The following NAV3 variants were observed in gnomAD, a reference collection of about 807,000 sequenced individuals.
NAV3 encodes the protein pore membrane and/or filament interacting like protein 1.
In NAV3, 87 loss-of-function variants were observed where a neutral mutation model predicts 244.7. The ratio of observed to expected loss-of-function variants is 0.36; its 90% CI spans 0.30 to 0.42. NAV3 has a LOEUF of 0.42. Ranked by LOEUF, NAV3 falls within the 20% of genes least tolerant of loss-of-function variation. NAV3 has a pLI of 1.00. For missense variants in NAV3, 2,663 were observed against 2,893.3 expected, an observed-to-expected ratio of 0.92 and a Z score of 1.83; for synonymous variants, 1,126 against 1,042.2, an observed-to-expected ratio of 1.08 and a Z score of -1.55.
At position 78,007,354 on chromosome 12, in the gene NAV3, G is replaced by C. The variant is rs1874414586; in HGVS notation, c.1816G>C (p.Gly606Arg). Residue 606 changes from glycine to arginine, a missense_variant, in exon 8 of 40, where the codon GGG (glycine) becomes CGG (arginine). By Grantham distance (125) the Gly-to-Arg change is moderately radical. Coordinates refer to ENST00000397909, the MANE Select transcript of NAV3 (RefSeq NM_001024383.2). ...TACCATGACAGTGGCACAAAGCAGTGGGCAGAGCACAGGAAATGGTGCTGT... is the reference window on the plus strand; with the variant it reads ...TACCATGACAGTGGCACAAAGCAGTCGGCAGAGCACAGGAAATGGTGCTGT... ...SCTMTVAQSS[G>R]QSTGNGAVQL... is the part of the protein sequence containing the mutation. The C allele has an allele frequency of 6.2e-7, 1 of 1,614,158 alleles. No individual in the cohort carries two copies. Among genetic ancestry groups the C allele is most frequent in the Non-Finnish European group, 8.5e-7 (1 of 1,180,030 alleles).
In NAV3 at chr12:77,635,227, C is replaced by CA. The variant is rs147153486; in HGVS notation, c.72+62973dup. 4.6e-3 allele frequency among the ~76,000 whole-genome samples: 648 copies of CA among 142,326 alleles called. 3 individuals are homozygous for CA. The highest frequency in any genetic ancestry group is 0.012 in the African/African-American group (464 of 39,404). The allele number at this position is 142,326 out of a possible 152,430, so 93.4% of individuals were successfully genotyped here. On this transcript the variant is annotated intron_variant, in intron 2 of 8. Transcript: ENST00000550042. ...TTGGTGACAGAGCAAGATTCTGTCTCAAAAAAAAAAAAGAGAGAAATGTGG... is the reference window on the plus strand; with the variant it reads ...TTGGTGACAGAGCAAGATTCTGTCTCAAAAAAAAAAAAAGAGAGAAATGTGG...
At chr12:77,964,912 CATAA>C (rs1432407095) in intron 3 of NAV3, among the ~76,000 whole-genome samples, 3 of 152,016 alleles carry the variant, frequency 2.0e-5, no homozygotes, top group Non-Finnish European at 4.4e-5. Context: ...TTTAAAGGAA[CATAA>C]ATAGTTTCTC....
chr12:77,631,785 G>T (rs1392455597), intron 2 of NAV3, among the ~76,000 whole-genome samples: 1 of 152,186 alleles, frequency 6.6e-6, no homozygotes, highest in East Asian at 1.9e-4. Context: ...CTTCATAGAA[G>T]GGAGAGACAC....
intron 1 of NAV3, among the ~76,000 whole-genome samples, chr12:77,832,381 G>T (rs1326301660): frequency 2.0e-5 from 3 of 152,076 alleles, no homozygotes; most frequent in Non-Finnish European, 2.9e-5. Flanking sequence ...CTCCAGTCAC[G>T]CATGCTAGAA....
intron 2 of NAV3, among the ~76,000 whole-genome samples, chr12:77,610,125 A>C (rs1870847467): frequency 6.6e-6 from 1 of 152,032 alleles, no homozygotes; most frequent in Admixed American, 6.6e-5. Context: ...TCATTGTTTA[A>C]AATTTTAGAA....
intron 1 of NAV3, among the ~76,000 whole-genome samples, chr12:77,910,123 T>G (rs570774006): frequency 5.9e-5 from 9 of 152,218 alleles, no homozygotes; most frequent in African/African-American, 2.2e-4. Context: ...TCATTTTACA[T>G]TGTTATGAAG....
At chr12:77,812,670 G>A (rs576734416) in intron 2 of NAV3, among the ~76,000 whole-genome samples, 84 of 151,970 alleles carry the variant, frequency 5.5e-4, no homozygotes, top group Non-Finnish European at 1.1e-3. Context: ...CACCTAGGGC[G>A]CTCCCGCCTG....
At chr12:78,091,840 T>C (rs1953960130) in intron 12 of NAV3, 1 of 151,756 alleles carries the variant, frequency 6.6e-6, no homozygotes, top group African/African-American at 2.4e-5. Flanking sequence ...CTACATTTCT[T>C]GTGCAATTTC....
At chr12:77,987,986 C>T (rs11107698) in intron 5 of NAV3, among the ~76,000 whole-genome samples, 2,774 of 152,092 alleles carry the variant, frequency 0.018, 46 homozygotes, top group Non-Finnish European at 0.03. Context: ...GTGTCAGGAA[C>T]GCTAAAATGA....
At chr12:78,100,149 A>T (rs1443793603) in intron 12 of NAV3, among the ~76,000 whole-genome samples, 1 of 151,998 alleles carries the variant, frequency 6.6e-6, no homozygotes, top group Non-Finnish European at 1.5e-5. Flanking sequence ...TTAAGTGCAT[A>T]CTAAAAACAA....
intron 8 of NAV3, 44 bp from the exon 9 acceptor site, chr12:78,021,703 T>G (rs56889276): frequency 7.6e-7 from 1 of 1,315,982 alleles, no homozygotes. Context: ...GAGTGACTAG[T>G]GACTATAACT....
At chr12:77,822,373 T>G (rs1403196903) in intron 2 of NAV3, among the ~76,000 whole-genome samples, 1 of 152,234 alleles carries the variant, frequency 6.6e-6, no homozygotes, top group Non-Finnish European at 1.5e-5. Flanking sequence ...ACCTTTCTTT[T>G]GACTGATTCA....
chr12:77,575,954 A>T (rs17043917), intron 2 of NAV3, among the ~76,000 whole-genome samples: 35,997 of 152,026 alleles, frequency 0.24, 4,716 homozygotes, highest in East Asian at 0.45. Context: ...GAGCAATATT[A>T]TTGTGTATGT....
At chr12:77,710,200 G>T (rs1006544687) in intron 2 of NAV3, among the ~76,000 whole-genome samples, 1 of 152,100 alleles carries the variant, frequency 6.6e-6, no homozygotes, top group Non-Finnish European at 1.5e-5. Flanking sequence ...ATCATTAAAA[G>T]GTTCTGCTCT....
Position 77,979,711 on chromosome 12 carries a change from AG to A in NAV3, c.671+11010del, listed in dbSNP as rs774970267. 6.7e-5 allele frequency among the ~76,000 whole-genome samples: 7 copies of A among 103,828 alleles called. 1 individual carries two copies. Among genetic ancestry groups the A allele is most frequent in the African/African-American group, 1.5e-4 (4 of 27,550 alleles). The allele number at this position is 103,828 out of a possible 152,430, so 68.1% of individuals were successfully genotyped here. ...TAAGATGTGAAACGAAAAAAAAAAAAGAAAAAAAAAAAAAAGCCTTCTCTTT... is the reference window on the plus strand; with the variant it reads ...TAAGATGTGAAACGAAAAAAAAAAAAAAAAAAAAAAAAAAGCCTTCTCTTT... On this transcript the variant is annotated intron_variant, in intron 5 of 39. Transcript: ENST00000397909.
At chr12:77,931,657 G>T (rs1200338531) in intron 1 of NAV3, among the ~76,000 whole-genome samples, 1 of 152,020 alleles carries the variant, frequency 6.6e-6, no homozygotes, top group Non-Finnish European at 1.5e-5. Context: ...ACAAGGTCAG[G>T]AGATCGAGAC....
intron 2 of NAV3, among the ~76,000 whole-genome samples, chr12:77,765,270 A>G (rs983472525): frequency 1.3e-5 from 2 of 152,274 alleles, no homozygotes; most frequent in Middle Eastern, 3.4e-3. Context: ...TTGCCTCTCA[A>G]AATATCACTG....
chr12:78,050,452 CAT>C lies in NAV3; in HGVS notation c.2133-310_2133-309del, dbSNP rs145776127. Among the ~76,000 whole-genome samples, 243 of 152,242 alleles carry C rather than the reference CAT, an allele frequency of 1.6e-3. 3 individuals are homozygous for C. The highest frequency in any genetic ancestry group is 5.5e-3 in the African/African-American group (229 of 41,548). On this transcript the variant is annotated intron_variant, in intron 10 of 39. Transcript: ENST00000397909. ...GCAGGGTAGTAGGGAGACATTCAAA[CAT>C]AATTGTAGTTAACTTTCAGAATAGG...
intron 2 of NAV3, among the ~76,000 whole-genome samples, chr12:77,765,888 T>C (rs993003869): frequency 9.9e-5 from 15 of 151,568 alleles, no homozygotes; most frequent in African/African-American, 3.6e-4. Context: ...AGAAAAAATA[T>C]ATAATAAAAG....
Sources: gnomAD v4.1 joint callset for allele counts (sites outside exome capture counted in the v4.1 genomes callset) on GRCh38, gnomAD v4.1.1 for gene constraint, MANE v1.5 for transcripts, NCBI Gene and HGNC (gene_info 2026-07-23, HGNC 2026-07-21) for gene names.